The following CACNG7 variants were observed in gnomAD, a reference collection of about 807,000 sequenced individuals.
The protein encoded by CACNG7 is voltage-dependent calcium channel gamma-7 subunit.
In CACNG7, 9 loss-of-function variants were observed where a neutral mutation model predicts 26.3. That is an observed-to-expected ratio of 0.34 (90% CI 0.21 to 0.60). The LOEUF (loss-of-function observed/expected upper bound fraction) is 0.60. Ranked by LOEUF, CACNG7 falls within the 20% of genes least tolerant of loss-of-function variation. The pLI, the probability that CACNG7 is intolerant of heterozygous loss-of-function variation, is 0.81. For synonymous variants in CACNG7, 170 were observed against 157.0 expected (o/e 1.08, Z -0.62); for missense variants, 297 against 380.4 (o/e 0.78, Z 1.82).
intron 4 of CACNG7, among the ~76,000 whole-genome samples, chr19:53,922,850 C>T (rs1222401780): frequency 6.1e-5 from 4 of 65,376 alleles, no homozygotes; most frequent in Admixed American, 1.3e-4. Flanking sequence ...GGTGCAGTTG[C>T]CCCAGGTCTG....
At chr19:53,920,482 G>C (rs74187215) in intron 4 of CACNG7, among the ~76,000 whole-genome samples, 4 of 40,478 alleles carry the variant, frequency 9.9e-5, no homozygotes, top group African/African-American at 2.3e-4. Context: ...CATTGGTGGA[G>C]TTGCCCCAGG....
At chr19:53,922,393 TC>T (rs1313232735) in intron 4 of CACNG7, among the ~76,000 whole-genome samples, 138 of 96,366 alleles carry the variant, frequency 1.4e-3, no homozygotes, top group African/African-American at 6.0e-3. Flanking sequence ...GGTGGAGTTG[TC>T]CCCAGGCCTG....
chr19:53,925,190 G>T (rs1467145847), intron 4 of CACNG7, among the ~76,000 whole-genome samples: 1 of 135,264 alleles, frequency 7.4e-6, no homozygotes, highest in South Asian at 2.4e-4. Context: ...GTTGCCCCAG[G>T]TCTGGTCATT....
At chr19:53,930,114 T>C (rs2069061159) in intron 4 of CACNG7, among the ~76,000 whole-genome samples, 1 of 148,232 alleles carries the variant, frequency 6.7e-6, no homozygotes, top group African/African-American at 2.5e-5. Context: ...AGGAGAGTGA[T>C]GGGGAGGGGT....
intron 4 of CACNG7, among the ~76,000 whole-genome samples, chr19:53,916,487 C>CTTTTTTT (rs397706471): frequency 2.1e-5 from 2 of 95,466 alleles, no homozygotes; most frequent in African/African-American, 4.4e-5. Flanking sequence ...TTCTTTCTTT[C>CTTTTTTT]TTTTTTTTTT....
chr19:53,922,964 T>A (rs1229050585), intron 4 of CACNG7, among the ~76,000 whole-genome samples: 6 of 80,856 alleles, frequency 7.4e-5, no homozygotes, highest in Non-Finnish European at 1.3e-4. Flanking sequence ...TTGCCCCAGG[T>A]CTGGTCATTG....
At chr19:53,925,027 T>C (rs1436516333) in intron 4 of CACNG7, among the ~76,000 whole-genome samples, 158 of 51,754 alleles carry the variant, frequency 3.1e-3, no homozygotes, top group African/African-American at 6.1e-3. Flanking sequence ...TGGACTTGCC[T>C]AGGGCTGGTC....
intron 4 of CACNG7, among the ~76,000 whole-genome samples, chr19:53,932,832 T>TC (rs2069081576): frequency 1.3e-5 from 2 of 148,250 alleles, no homozygotes; most frequent in African/African-American, 5.1e-5. Flanking sequence ...CTTTTCTCTC[T>TC]CCTTTTTTTT....
intron 1 of CACNG7, among the ~76,000 whole-genome samples, chr19:53,911,752 G>A (rs923698306): frequency 6.6e-6 from 1 of 152,170 alleles, no homozygotes; most frequent in Admixed American, 6.5e-5. Flanking sequence ...CCCCTGAGCC[G>A]CCAGGCGGAG....
rs374671812 is a variant in CACNG7 at position 53,941,591 on chromosome 19, C to T, written c.546C>T (p.Ala182=). The T allele has an allele frequency of 3.5e-5, 57 of 1,611,868 alleles. No individual in the cohort carries two copies. Among genetic ancestry groups the T allele is most frequent in the Non-Finnish European group, 4.2e-5 (49 of 1,179,154 alleles). The change falls in exon 5 of 6, where the codon GCC becomes GCT. Residue 182 remains alanine (A), a synonymous_variant. Coordinates refer to ENST00000391767, the MANE Select transcript of CACNG7 (RefSeq NM_031896.5). ...HYRYGWSFAF[A]ASSFLLKEGA... is the part of the protein sequence containing the mutation. ...GCTACGGGTGGTCTTTTGCCTTCGC[C>T]GCTTCCTCCTTCCTACTCAAAGAGG... is the stretch of plus-strand genomic sequence containing the variant.
At position 53,909,337 on chromosome 19, in the gene CACNG7, G is replaced by A. The variant is rs1009737465; in HGVS notation, c.-210G>A. The A allele has an allele frequency of 3.3e-5, 5 of 149,488 alleles. No homozygotes were observed. The highest frequency in any genetic ancestry group is 6.0e-5 in the Non-Finnish European group (4 of 66,544). The allele number at this position is 149,488 out of a possible 1,614,324, so 9.3% of individuals were successfully genotyped here. A position where few individuals can be genotyped will look rare whatever the true frequency, so the allele number is the denominator to read the frequency against. ...GGCTCCGTCCGCCGAGTGAGGCCGC[G>A]GCCGCGGGGGGTGGGGGGTGGGAGG... On this transcript the variant is annotated 5_prime_UTR_variant, in exon 1 of 6. Coordinates refer to ENST00000391767, the MANE Select transcript of CACNG7 (RefSeq NM_031896.5). The surrounding 1 kb of genome is among the most constrained non-coding windows in gnomAD (Gnocchi z 5.1).
Position 53,942,051 on chromosome 19 carries a change from T to C in CACNG7, c.586T>C (p.Ser196Pro). 6.2e-7 allele frequency: 1 copy of C among 1,600,300 alleles called. No homozygotes were observed. The highest frequency in any genetic ancestry group is 8.5e-7 in the Non-Finnish European group (1 of 1,169,810). ...CTTGCCGCAGGGGGCCGGCGTGATG[T>C]CCGTGTACCTGTTCACCAAGCGCTA... ...FLLKEGAGVM[S>P]VYLFTKRYAE... Residue 196 changes from serine (S) to proline (P), a missense_variant, in exon 6 of 6, where the codon TCC becomes CCC. By Grantham distance (74) the Ser-to-Pro change is moderately conservative (BLOSUM62 -1). Coordinates refer to ENST00000391767, the MANE Select transcript of CACNG7 (RefSeq NM_031896.5). This position sits in a 1 kb window ranked among gnomAD's most constrained non-coding sequence, Gnocchi z 5.9.
chr19:53,934,773 A>C (rs764526349), intron 4 of CACNG7, among the ~76,000 whole-genome samples: 6 of 152,124 alleles, frequency 3.9e-5, no homozygotes, highest in Non-Finnish European at 7.3e-5. Context: ...ACCCCATCTC[A>C]ATAGATAAAT....
chr19:53,934,827 G>GA (rs111319333), intron 4 of CACNG7, among the ~76,000 whole-genome samples: 2,025 of 145,708 alleles, frequency 0.014, 43 homozygotes, highest in African/African-American at 0.042. Context: ...TTAGCATTTT[G>GA]AAAAAAAAAA....
rs62143256 is a variant in CACNG7, at chr19:53,923,045, C to T, written c.424+7540C>T. Among the ~76,000 whole-genome samples the T allele has an allele frequency of 6.6e-5, 7 of 106,748 alleles. No homozygotes were observed. In the East Asian group the frequency reaches 1.3e-3, roughly 20 times the overall value. 70.0% of individuals were successfully genotyped at this position (106,748 alleles called of 152,430 possible). A position where few individuals can be genotyped will look rare whatever the true frequency, so the allele number is the denominator to read the frequency against. ...TGGTCATTGGTGCAGTTGTCCCAGG[C>T]CTGGTCATTGGTGCAGTTGTCCCCA... On this transcript the variant is annotated intron_variant, in intron 4 of 5. Transcript: ENST00000391767.
intron 2 of CACNG7, among the ~76,000 whole-genome samples, chr19:53,914,268 C>CATCT (rs1357116304): frequency 9.7e-6 from 1 of 102,766 alleles, no homozygotes; most frequent in Non-Finnish European, 1.6e-5. Flanking sequence ...AGTGAGACTC[C>CATCT]ATCTCAAAAA....
rs2069021446 is a variant in CACNG7 at position 53,925,484 on chromosome 19, G to GCTGGTCATTGGTGGACTTGTCCCAGGT, written c.424+9998_424+9999insTCCCAGGTCTGGTCATTGGTGGACTTG. Among the ~76,000 whole-genome samples, 12 of 116,742 alleles carry GCTGGTCATTGGTGGACTTGTCCCAGGT rather than the reference G, an allele frequency of 1.0e-4. 1 individual carries two copies. Among genetic ancestry groups the GCTGGTCATTGGTGGACTTGTCCCAGGT allele is most frequent in the Admixed American group, 8.3e-5 (1 of 12,096 alleles). The allele number at this position is 116,742 out of a possible 152,430, so 76.6% of individuals were successfully genotyped here. On this transcript the variant is annotated intron_variant, in intron 4 of 5. Transcript: ENST00000391767. ...ATGGCCATTGGTGGAGTTGCCCCAG[G>GCTGGTCATTGGTGGACTTGTCCCAGGT]CTGGTCATTGGTGGACTTGCCCCAG...
intron 4 of CACNG7, among the ~76,000 whole-genome samples, chr19:53,923,608 GT>G (rs1362031327): frequency 1.2e-4 from 17 of 137,570 alleles, no homozygotes; most frequent in African/African-American, 3.3e-4. Context: ...GTTGCCCCAG[GT>G]CTGGTCATTG....
In CACNG7 at chr19:53,940,090, ATTAG is replaced by A. The variant is rs1473609818; in HGVS notation, c.425-1375_425-1372del. 6.6e-6 allele frequency among the ~76,000 whole-genome samples: 1 copy of A among 152,062 alleles called. No homozygotes were observed. The highest frequency in any genetic ancestry group is 2.4e-5 in the African/African-American group (1 of 41,400). On this transcript the variant is annotated intron_variant, in intron 4 of 5. Transcript: ENST00000391767. This position sits in a 1 kb window ranked among gnomAD's most constrained non-coding sequence, Gnocchi z 4.1. ...ATTCTAGGGGAAGAGGTTGATAGGG[ATTAG>A]TTAGATACATTTAAGGCAGGGAACT...
Sources: gnomAD v4.1 joint callset for allele counts (sites outside exome capture counted in the v4.1 genomes callset) on GRCh38, gnomAD v4.1.1 for gene constraint, Gnocchi (gnomAD v3.1) non-coding constraint, MANE v1.5 for transcripts, NCBI Gene and HGNC (gene_info 2026-07-23, HGNC 2026-07-21) for gene names.